Variants in CPEB3 observed in about 807,000 individuals in gnomAD.
The protein encoded by CPEB3 is cytoplasmic polyadenylation element binding protein 3.
A neutral mutation model predicts 67.2 loss-of-function variants in CPEB3; 20 were observed. The ratio of observed to expected loss-of-function variants is 0.30; its 90% CI spans 0.21 to 0.43. The LOEUF is 0.43. Among genes scored for constraint, CPEB3 ranks in the 20% least tolerant of loss-of-function variants. The pLI is 1.00. For missense variants in CPEB3, 746 were observed against 968.6 expected (o/e 0.77, Z 3.05); for synonymous variants, 376 against 393.1 (o/e 0.96, Z 0.51).
intron 9 of CPEB3, among the ~76,000 whole-genome samples, chr10:92,059,914 G>C (rs1193551064): frequency 7.1e-6 from 1 of 141,266 alleles, no homozygotes; most frequent in Non-Finnish European, 1.5e-5. Flanking sequence ...CCAAGATCGC[G>C]CCACTGTAAT....
At chr10:92,123,761 T>A (rs1288200500) in intron 6 of CPEB3, among the ~76,000 whole-genome samples, 1 of 152,218 alleles carries the variant, frequency 6.6e-6, no homozygotes, top group Non-Finnish European at 1.5e-5. Context: ...CCCTGGACTT[T>A]AACATTCCTC....
At chr10:92,253,839 G>A (rs146974179) in intron 1 of CPEB3, among the ~76,000 whole-genome samples, 1 of 152,282 alleles carries the variant, frequency 6.6e-6, no homozygotes, top group Non-Finnish European at 1.5e-5. Context: ...GGAGCCTTAG[G>A]TCTGTGTCAT....
At chr10:92,107,216 G>T (rs1322653637) in intron 7 of CPEB3, among the ~76,000 whole-genome samples, 1 of 152,180 alleles carries the variant, frequency 6.6e-6, no homozygotes, top group Non-Finnish European at 1.5e-5. Flanking sequence ...TTAAGTGGAT[G>T]ACCACATTAC....
chr10:92,113,044 T>C (rs973137834), intron 6 of CPEB3, among the ~76,000 whole-genome samples: 2 of 152,024 alleles, frequency 1.3e-5, no homozygotes, highest in African/African-American at 2.4e-5. Flanking sequence ...CAGGCAAATA[T>C]AGCAGAAAAA....
chr10:92,270,154 C>G (rs1853242914), intron 1 of CPEB3, among the ~76,000 whole-genome samples: 1 of 152,148 alleles, frequency 6.6e-6, no homozygotes, highest in Non-Finnish European at 1.5e-5. Context: ...TAAATTTCCT[C>G]TATCTCTTAT....
intron 7 of CPEB3, among the ~76,000 whole-genome samples, chr10:92,104,590 T>C (rs917906792): frequency 5.9e-5 from 9 of 151,952 alleles, no homozygotes; most frequent in African/African-American, 1.7e-4. Context: ...GGTTTCACCG[T>C]GTTAGCCAGG....
intron 7 of CPEB3, among the ~76,000 whole-genome samples, chr10:92,110,539 A>T (rs1287201934): frequency 6.6e-6 from 1 of 151,592 alleles, no homozygotes; most frequent in African/African-American, 2.4e-5. Flanking sequence ...TTAACCACAA[A>T]CTCTGTATTA....
intron 1 of CPEB3, among the ~76,000 whole-genome samples, chr10:92,265,973 T>G (rs944253378): frequency 6.6e-6 from 1 of 151,810 alleles, no homozygotes; most frequent in Non-Finnish European, 1.5e-5. Context: ...AATGGGTTAA[T>G]GAATTAATGG....
At chr10:92,236,253 C>T (rs940257636) in intron 2 of CPEB3, among the ~76,000 whole-genome samples, 9 of 152,082 alleles carry the variant, frequency 5.9e-5, no homozygotes, top group Non-Finnish European at 1.3e-4. Flanking sequence ...ACGTTAAGGA[C>T]ACATACAACA....
Position 92,223,567 on chromosome 10 carries a change from C to CTT in CPEB3, c.1005+15777_1005+15778dup, listed in dbSNP as rs903904452. On this transcript the variant is annotated intron_variant, in intron 2 of 9. Transcript: ENST00000265997. The stretch of plus-strand genomic sequence containing the variant: ...CTTCCAGGTGAGCTCCTAATTATTT[C>CTT]TTTTTTTTTTTTTTTTTTTTTTTTT... 6.6e-3 allele frequency among the ~76,000 whole-genome samples: 558 copies of CTT among 84,224 alleles called. 43 individuals carry two copies. The highest frequency in any genetic ancestry group is 9.8e-3 in the Non-Finnish European group (395 of 40,416). The allele number at this position is 84,224 out of a possible 152,430, so 55.3% of individuals were successfully genotyped here. A position where few individuals can be genotyped will look rare whatever the true frequency, so the allele number is the denominator to read the frequency against.
At chr10:92,100,518 C>T (rs568783655) in intron 7 of CPEB3, among the ~76,000 whole-genome samples, 7 of 152,250 alleles carry the variant, frequency 4.6e-5, no homozygotes, top group Admixed American at 1.3e-4. Flanking sequence ...TCAGGTGATC[C>T]GCCCACCTCA....
At chr10:92,103,248 A>G (rs79766714) in intron 7 of CPEB3, among the ~76,000 whole-genome samples, 1,587 of 152,336 alleles carry the variant, frequency 0.01, 19 homozygotes, top group African/African-American at 0.037. Flanking sequence ...AGAATTATCT[A>G]GTGTTCATCA....
intron 1 of CPEB3, among the ~76,000 whole-genome samples, chr10:92,289,400 G>T (rs1259726811): frequency 6.6e-6 from 1 of 151,850 alleles, no homozygotes; most frequent in Non-Finnish European, 1.5e-5. Context: ...AATTAGCTGG[G>T]TGTGGTGGCA....
At chr10:92,144,124 G>A (rs550185443) in intron 5 of CPEB3, among the ~76,000 whole-genome samples, 8 of 152,174 alleles carry the variant, frequency 5.3e-5, no homozygotes, top group Admixed American at 1.3e-4. Flanking sequence ...ACAACTTACC[G>A]TGTGCTAAAA....
At position 92,192,516 on chromosome 10, in the gene CPEB3, T is replaced by C. The variant is rs556852509; in HGVS notation, c.1126A>G (p.Met376Val). ...CTCCACATTATATCAGCGAAACTCA[T>C]TGGTGGGCCACTGGGAGGGTAGTGT... The part of the protein sequence containing the change: ...GKHYPPSGPP[M>V]SFADIMWRNH... Residue 376 changes from methionine (M) to valine (V), a missense_variant, in exon 3 of 10, where the codon ATG (methionine) becomes GTG (valine). This residue lies in a region of CPEB3 where 643 missense variants were observed against 717.5 expected (regional missense o/e 0.90). Coordinates refer to ENST00000265997, the MANE Select transcript of CPEB3 (RefSeq NM_014912.5). The C allele has an allele frequency of 1.6e-5, 26 of 1,614,058 alleles. No homozygotes were observed. Among genetic ancestry groups the C allele is most frequent in the South Asian group, 1.4e-4 (13 of 91,072 alleles).
chr10:92,126,789 C>CT (rs1385967686), intron 6 of CPEB3, among the ~76,000 whole-genome samples: 3 of 152,190 alleles, frequency 2.0e-5, no homozygotes, highest in African/African-American at 7.2e-5. Flanking sequence ...TCAAGTCTGT[C>CT]TAACAAAAGC....
chr10:92,182,235 G>A (rs1187106810), intron 3 of CPEB3, among the ~76,000 whole-genome samples: 1 of 152,196 alleles, frequency 6.6e-6, no homozygotes, highest in Non-Finnish European at 1.5e-5. Flanking sequence ...AAAAGCTGGA[G>A]ATAAGGTTAA....
intron 8 of CPEB3, among the ~76,000 whole-genome samples, chr10:92,087,023 G>C (rs560325181): frequency 3.9e-5 from 6 of 152,312 alleles, no homozygotes; most frequent in Admixed American, 3.3e-4. Flanking sequence ...CTTGATACAG[G>C]ATGGTTTCTG....
chr10:92,187,021 T>C (rs1331164009), intron 3 of CPEB3, among the ~76,000 whole-genome samples: 2 of 152,186 alleles, frequency 1.3e-5, no homozygotes. Flanking sequence ...ACAGTATATT[T>C]TTCTGGAACA....
Sources: allele counts gnomAD v4.1 joint callset (sites outside exome capture counted in the v4.1 genomes callset), GRCh38; gene constraint gnomAD v4.1.1; regional missense constraint gnomAD v4.1.1; transcripts MANE v1.5; gene names NCBI Gene and HGNC (gene_info 2026-07-23, HGNC 2026-07-21).